TTLL9: variants seen among roughly 807,000 people sequenced by gnomAD.
TTLL9 encodes the protein probable tubulin polyglutamylase TTLL9.
A neutral mutation model predicts 65.6 loss-of-function variants in TTLL9; 47 were observed. The observed-to-expected ratio is 0.72, with a 90% CI of 0.57 to 0.91. The LOEUF (loss-of-function observed/expected upper bound fraction) is 0.91. Ranked by LOEUF, TTLL9 falls within the 40% of genes least tolerant of loss-of-function variation. The pLI, the probability that TTLL9 is intolerant of heterozygous loss-of-function variation, is 0.00. For missense variants in TTLL9, 537 were observed against 568.8 expected (o/e 0.94, Z 0.57); for synonymous variants, 179 against 204.8 (o/e 0.87, Z 1.07).
At position 31,870,818 on chromosome 20, in the gene TTLL9, C is replaced by T; in HGVS notation, c.-137C>T. The T allele has an allele frequency of 1.9e-6, 1 of 529,266 alleles. No individual in the cohort carries two copies. Among genetic ancestry groups the T allele is most frequent in the South Asian group, 3.0e-5 (1 of 33,418 alleles). 32.8% of individuals were successfully genotyped at this position (529,266 alleles called of 1,614,324 possible). ...ACTCCCGTCCCCCTTCCGGCTCTGC[C>T]TGGACGTCCCTGCGGGCCCCGGGGG... On this transcript the variant is annotated 5_prime_UTR_variant, in exon 1 of 15. Transcript: ENST00000535842. The surrounding 1 kb of genome is among the most constrained non-coding windows in gnomAD (Gnocchi z 6.6).
chr20:31,918,900 T>C (rs1463518647), intron 6 of TTLL9, among the ~76,000 whole-genome samples: 1 of 152,188 alleles, frequency 6.6e-6, no homozygotes, highest in Non-Finnish European at 1.5e-5. Context: ...GTGCACAGCA[T>C]GGCAGGCAGA....
intron 3 of TTLL9, among the ~76,000 whole-genome samples, chr20:31,895,462 A>C (rs1478992477): frequency 2.6e-5 from 4 of 152,144 alleles, no homozygotes; most frequent in African/African-American, 9.7e-5. Context: ...TGTTCTTGTG[A>C]AAGTTCTTAT....
rs987445981 is a variant in TTLL9, at chr20:31,870,747, G to A, written c.-208G>A. 6.4e-4 allele frequency: 320 copies of A among 499,560 alleles called. 3 individuals carry two copies. The Admixed American group carries it at 0.01, about 16-fold the overall frequency. 30.9% of individuals were successfully genotyped at this position (499,560 alleles called of 1,614,324 possible). On this transcript the variant is annotated 5_prime_UTR_variant, in exon 1 of 15. Coordinates refer to ENST00000535842, the MANE Select transcript of TTLL9 (RefSeq NM_001008409.5). The surrounding 1 kb of genome is among the most constrained non-coding windows in gnomAD (Gnocchi z 6.6). ...ACCCCACCCTGGCACCGGCAGGCGCGGGCGGATGGGGGGATGTCGCCTAGA... is the reference window on the plus strand; with the variant it reads ...ACCCCACCCTGGCACCGGCAGGCGCAGGCGGATGGGGGGATGTCGCCTAGA...
At chr20:31,900,476 G>A (rs1328123341) in intron 4 of TTLL9, among the ~76,000 whole-genome samples, 1 of 152,160 alleles carries the variant, frequency 6.6e-6, no homozygotes, top group African/African-American at 2.4e-5. Flanking sequence ...CAGATGTTAT[G>A]AATCTGTGAT....
intron 2 of TTLL9, among the ~76,000 whole-genome samples, chr20:31,873,812 G>A (rs1261451048): frequency 1.2e-5 from 1 of 81,640 alleles, no homozygotes; most frequent in Non-Finnish European, 2.6e-5. Context: ...AAGGAAGGAA[G>A]GAAGGAAGGA....
intron 2 of TTLL9, among the ~76,000 whole-genome samples, chr20:31,873,882 A>G (rs921400012): frequency 8.2e-5 from 12 of 146,702 alleles, no homozygotes; most frequent in South Asian, 2.2e-4. Flanking sequence ...GAAAGAAAGA[A>G]AGAGAAAGAA....
chr20:31,892,531 C>T (rs541073474), intron 3 of TTLL9, among the ~76,000 whole-genome samples: 10 of 152,224 alleles, frequency 6.6e-5, no homozygotes, highest in African/African-American at 2.2e-4. Flanking sequence ...GAGTAGTAGT[C>T]GTTTTACATT....
chr20:31,927,796 C>T (rs922690094), intron 10 of TTLL9, among the ~76,000 whole-genome samples: 1 of 152,190 alleles, frequency 6.6e-6, no homozygotes, highest in South Asian at 2.1e-4. Flanking sequence ...CGGGTGTGGA[C>T]AACCCAGCCA....
chr20:31,943,287 C>G lies in TTLL9; in HGVS notation c.*266C>G. On this transcript the variant is annotated 3_prime_UTR_variant, in exon 15 of 15. Transcript: ENST00000535842. ...TTGACAAACTGACTTGGCAGTTAGG[C>G]CCAAAGAGAACAAATACAGCAAGTT... 1 of 538,076 alleles carries G rather than the reference C, an allele frequency of 1.9e-6. No homozygotes were observed. Among genetic ancestry groups the G allele is most frequent in the Non-Finnish European group, 3.4e-6 (1 of 297,054 alleles). 33.3% of individuals were successfully genotyped at this position (538,076 alleles called of 1,614,324 possible). A position where few individuals can be genotyped will look rare whatever the true frequency, so the allele number is the denominator to read the frequency against.
In TTLL9 at chr20:31,926,164, A is replaced by G. The variant is rs1183246106; in HGVS notation, c.748+73A>G. On this transcript the variant is annotated intron_variant, in intron 10 of 14. Coordinates refer to ENST00000535842, the MANE Select transcript of TTLL9 (RefSeq NM_001008409.5). ...GGGGGTGATTCCATGGGAGAGGCCA[A>G]CTCTGCTCAGAGCAGCTCACTGCAA... is the stretch of plus-strand genomic sequence containing the variant. 5 of 1,028,194 alleles carry G rather than the reference A, an allele frequency of 4.9e-6. No homozygotes were observed. The East Asian group carries it at 7.3e-5, about 15-fold the overall frequency. 63.7% of individuals were successfully genotyped at this position (1,028,194 alleles called of 1,614,324 possible).
chr20:31,890,517 G>A (rs1052302180), intron 3 of TTLL9, among the ~76,000 whole-genome samples: 1 of 152,098 alleles, frequency 6.6e-6, no homozygotes, highest in African/African-American at 2.4e-5. Context: ...ACGAAGTATT[G>A]GTTCCACTAG....
intron 4 of TTLL9, among the ~76,000 whole-genome samples, chr20:31,901,736 C>T (rs1022438415): frequency 2.0e-5 from 3 of 152,216 alleles, no homozygotes; most frequent in African/African-American, 7.2e-5. Context: ...GGCTGCACCT[C>T]CTTATCCTTC....
intron 3 of TTLL9, among the ~76,000 whole-genome samples, chr20:31,889,117 A>G (rs946346624): frequency 6.6e-6 from 1 of 152,222 alleles, no homozygotes; most frequent in Non-Finnish European, 1.5e-5. Flanking sequence ...GAGGGCACAT[A>G]TAGATATGTG....
At chr20:31,879,702 C>A in intron 2 of TTLL9, 2 of 957,738 alleles carry the variant, frequency 2.1e-6, no homozygotes, top group South Asian at 1.8e-5. Flanking sequence ...GCTGCCAGGA[C>A]GCCCAATAGC....
chr20:31,873,768 G>GAA (rs1371671385), intron 2 of TTLL9, among the ~76,000 whole-genome samples: 1 of 139,322 alleles, frequency 7.2e-6, no homozygotes, highest in African/African-American at 2.8e-5. Context: ...AAGAAAGAAA[G>GAA]AGAAAGAAAG....
At chr20:31,918,937 C>A (rs2063776176) in intron 6 of TTLL9, among the ~76,000 whole-genome samples, 1 of 152,188 alleles carries the variant, frequency 6.6e-6, no homozygotes, top group Admixed American at 6.5e-5. Context: ...CAGTAGACAA[C>A]CTGTACAACC....
chr20:31,913,296 G>T (rs1400275169), intron 6 of TTLL9, among the ~76,000 whole-genome samples: 1 of 152,208 alleles, frequency 6.6e-6, no homozygotes, highest in African/African-American at 2.4e-5. Context: ...CAGGTTCTGA[G>T]GGTGCTACTG....
intron 10 of TTLL9, among the ~76,000 whole-genome samples, chr20:31,929,057 C>A (rs1235701409): frequency 1.3e-5 from 2 of 152,146 alleles, no homozygotes; most frequent in Non-Finnish European, 2.9e-5. Context: ...TTTTTTGTAG[C>A]AATGAGTTCT....
chr20:31,901,622 T>TC (rs1455802469), intron 4 of TTLL9, among the ~76,000 whole-genome samples: 2 of 152,276 alleles, frequency 1.3e-5, no homozygotes, highest in African/African-American at 4.8e-5. Flanking sequence ...CTTCTTTCCT[T>TC]CCGCCCTGGC....
Sources: gnomAD v4.1 joint callset for allele counts (sites outside exome capture counted in the v4.1 genomes callset) on GRCh38, gnomAD v4.1.1 for gene constraint, Gnocchi (gnomAD v3.1) non-coding constraint, MANE v1.5 for transcripts, NCBI Gene and HGNC (gene_info 2026-07-23, HGNC 2026-07-21) for gene names.